Variants in IKZF2 observed in about 807,000 individuals in gnomAD.
IKZF2 encodes the protein zinc finger protein Helios.
In IKZF2, 15 loss-of-function variants were observed where a neutral mutation model predicts 49.2. The observed-to-expected ratio is 0.30, with a 90% CI of 0.20 to 0.47. The LOEUF (loss-of-function observed/expected upper bound fraction) is 0.47. Among genes scored for constraint, IKZF2 ranks in the 20% least tolerant of loss-of-function variants. The pLI is 1.00. For missense variants in IKZF2, 567 were observed against 664.6 expected (o/e 0.85, Z 1.61); for synonymous variants, 227 against 221.4 (o/e 1.03, Z -0.23).
intron 4 of IKZF2, among the ~76,000 whole-genome samples, chr2:213,115,708 A>G (rs1393131755): frequency 6.6e-6 from 1 of 152,248 alleles, no homozygotes; most frequent in Non-Finnish European, 1.5e-5. Context: ...TGTTCCATTT[A>G]CTATCTTGGA....
In IKZF2 at chr2:213,115,544, A is replaced by G. The variant is rs546062839; in HGVS notation, c.139+32164T>C. 4.4e-4 allele frequency among the ~76,000 whole-genome samples: 67 copies of G among 152,354 alleles called. 1 individual carries two copies. The South Asian group carries it at 0.013, about 31-fold the overall frequency. On this transcript the variant is annotated intron_variant, in intron 4 of 8. Coordinates refer to ENST00000434687, the MANE Select transcript of IKZF2 (RefSeq NM_001387220.1). ...GCCTGGCTAACCAGGCAGCCTGTCC[A>G]TCAACTTCAGATCCACATATCTCCT...
chr2:213,007,939 G>A lies in IKZF2; in HGVS notation c.1002C>T (p.His334=). 2 of 1,613,522 alleles carry A rather than the reference G, an allele frequency of 1.2e-6. No individual in the cohort carries two copies. Among genetic ancestry groups the A allele is most frequent in the Non-Finnish European group, 8.5e-7 (1 of 1,179,716 alleles). Residue 334 remains histidine (H), a synonymous_variant, in exon 9 of 9, where the codon CAC becomes CAT. Transcript: ENST00000434687. The part of the protein sequence containing the change: ...AITYLGAEAL[H]PLMQHPPSTI... ...TGCTTGGCGGGTGCTGCATCAGAGG[G>A]TGAAGGGCCTCAGCTCCAAGGTAGG...
intron 4 of IKZF2, among the ~76,000 whole-genome samples, chr2:213,077,791 T>C (rs944621821): frequency 6.7e-4 from 102 of 152,172 alleles, no homozygotes; most frequent in African/African-American, 2.5e-3. Context: ...GGTTTCACCG[T>C]GTTAGCCAGG....
intron 5 of IKZF2, among the ~76,000 whole-genome samples, chr2:213,051,016 T>G (rs1012497688): frequency 6.6e-6 from 1 of 152,052 alleles, no homozygotes; most frequent in African/African-American, 2.4e-5. Flanking sequence ...TGCAGTTAGA[T>G]GATGATTCTA....
chr2:213,033,167 C>T lies in IKZF2; in HGVS notation c.575-11037G>A, dbSNP rs189985477. ...CTCTTCATCCATTCACATTTTATAA[C>T]GAGACTGCAGTAATTCAGTCACATC... On this transcript the variant is annotated intron_variant, in intron 6 of 8. Transcript: ENST00000434687. Among the ~76,000 whole-genome samples, 362 of 152,292 alleles carry T rather than the reference C, an allele frequency of 2.4e-3. 17 individuals carry two copies. Among genetic ancestry groups the T allele is most frequent in the Admixed American group, 0.024 (362 of 15,292 alleles).
chr2:213,082,170 C>T (rs1368244155), intron 4 of IKZF2, among the ~76,000 whole-genome samples: 1 of 152,010 alleles, frequency 6.6e-6, no homozygotes, highest in African/African-American at 2.4e-5. Flanking sequence ...TTGTTATGTG[C>T]TATATGTTAA....
At chr2:213,026,634 C>T (rs1697848183) in intron 6 of IKZF2, among the ~76,000 whole-genome samples, 1 of 151,742 alleles carries the variant, frequency 6.6e-6, no homozygotes, top group Non-Finnish European at 1.5e-5. Flanking sequence ...TTTTAATCAC[C>T]AGTAAAATCC....
At chr2:213,144,200 C>T (rs1400015117) in intron 4 of IKZF2, among the ~76,000 whole-genome samples, 2 of 151,810 alleles carry the variant, frequency 1.3e-5, no homozygotes, top group Admixed American at 6.6e-5. Flanking sequence ...CTACTTCTTC[C>T]GATTCCATAC....
At chr2:213,115,439 G>A (rs953041423) in intron 4 of IKZF2, among the ~76,000 whole-genome samples, 1 of 152,164 alleles carries the variant, frequency 6.6e-6, no homozygotes, top group Non-Finnish European at 1.5e-5. Flanking sequence ...GCCACCCTGG[G>A]AAAATGTCTG....
chr2:213,038,753 C>A (rs929950129), intron 6 of IKZF2, among the ~76,000 whole-genome samples: 1 of 152,132 alleles, frequency 6.6e-6, no homozygotes, highest in Non-Finnish European at 1.5e-5. Context: ...TAAGTGATGA[C>A]AAATGCTACA....
At chr2:213,082,572 T>C (rs1704069972) in intron 4 of IKZF2, among the ~76,000 whole-genome samples, 1 of 152,256 alleles carries the variant, frequency 6.6e-6, no homozygotes, top group African/African-American at 2.4e-5. Flanking sequence ...TCTAAGTTTA[T>C]TGGATTTAGA....
chr2:213,137,443 G>A (rs1377673435), intron 4 of IKZF2, among the ~76,000 whole-genome samples: 1 of 151,998 alleles, frequency 6.6e-6, no homozygotes, highest in Non-Finnish European at 1.5e-5. Flanking sequence ...CCTATTTTTA[G>A]TACCTAAAAA....
intron 4 of IKZF2, among the ~76,000 whole-genome samples, chr2:213,099,827 G>C (rs1706448609): frequency 1.3e-5 from 2 of 152,040 alleles, no homozygotes; most frequent in African/African-American, 4.8e-5. Context: ...CTATCCCGTT[G>C]TGCTTTTAGA....
rs529633427 is a variant in IKZF2 at position 213,110,568 on chromosome 2, G to T, written c.139+37140C>A. Reference sequence around the variant, plus strand: ...TAATTTATTTAATCAATCCACTACTGATGGGCATTGTTTGCACAATGTTTC... The same window carrying T: ...TAATTTATTTAATCAATCCACTACTTATGGGCATTGTTTGCACAATGTTTC... On this transcript the variant is annotated intron_variant, in intron 4 of 8. Coordinates refer to ENST00000434687, the MANE Select transcript of IKZF2 (RefSeq NM_001387220.1). Among the ~76,000 whole-genome samples, 6 of 151,632 alleles carry T rather than the reference G, an allele frequency of 4.0e-5. No individual in the cohort carries two copies. The East Asian group carries it at 9.7e-4, about 24-fold the overall frequency.
chr2:213,137,491 T>C (rs928797823), intron 4 of IKZF2, among the ~76,000 whole-genome samples: 7 of 152,090 alleles, frequency 4.6e-5, no homozygotes, highest in African/African-American at 1.7e-4. Flanking sequence ...TAGATGATAT[T>C]TGGGTGATCT....
At chr2:213,025,208 T>C (rs1168468695) in intron 6 of IKZF2, among the ~76,000 whole-genome samples, 3 of 152,154 alleles carry the variant, frequency 2.0e-5, no homozygotes, top group Non-Finnish European at 4.4e-5. Flanking sequence ...TCTCAGTTTT[T>C]TCCTAACTTG....
Position 213,022,058 on chromosome 2 carries a change from T to C in IKZF2, c.647A>G (p.Glu216Gly). 1 of 1,613,850 alleles carries C rather than the reference T, an allele frequency of 6.2e-7. No homozygotes were observed. The highest frequency in any genetic ancestry group is 8.5e-7 in the Non-Finnish European group (1 of 1,179,822). The change falls in exon 7 of 9, where the codon GAA becomes GGA. Residue 216 changes from glutamate to glycine, a missense_variant. Coordinates refer to ENST00000434687, the MANE Select transcript of IKZF2 (RefSeq NM_001387220.1). The stretch of plus-strand genomic sequence containing the variant: ...ATTCTGGAGATAGTTGTGGCAGCGT[T>C]CCTTGTGCTCCTCCAGTGAACTGCG... ...KQRSSLEEHK[E>G]RCHNYLQNVS...
chr2:213,056,763 G>A lies in IKZF2; in HGVS notation c.406+70C>T, dbSNP rs527502687. ...GCCACCCCTGAATAAAAAGGAAAGAGAATAGATGTCAGGTAATATCAACAT... is the reference window on the plus strand; with the variant it reads ...GCCACCCCTGAATAAAAAGGAAAGAAAATAGATGTCAGGTAATATCAACAT... On this transcript the variant is annotated intron_variant, in intron 5 of 8. Coordinates refer to ENST00000434687, the MANE Select transcript of IKZF2 (RefSeq NM_001387220.1). The A allele has an allele frequency of 5.1e-6, 8 of 1,571,816 alleles. 1 individual carries two copies. The African/African-American group carries it at 8.1e-5, about 16-fold the overall frequency.
chr2:213,116,120 A>G (rs1390311710), intron 4 of IKZF2, among the ~76,000 whole-genome samples: 1 of 152,338 alleles, frequency 6.6e-6, no homozygotes, highest in South Asian at 2.1e-4. Context: ...TATTATTACC[A>G]TCTTAAATGT....
Sources: gnomAD v4.1 joint callset for allele counts (sites outside exome capture counted in the v4.1 genomes callset) on GRCh38, gnomAD v4.1.1 for gene constraint, MANE v1.5 for transcripts, NCBI Gene and HGNC (gene_info 2026-07-23, HGNC 2026-07-21) for gene names.